NCOA3: variants seen among roughly 807,000 people sequenced by gnomAD.
The protein encoded by NCOA3 is nuclear receptor coactivator 3, also known as CBP-interacting protein.
In NCOA3, 51 loss-of-function variants were observed where a neutral mutation model predicts 158.8. That is an observed-to-expected ratio of 0.32 (90% confidence interval 0.26 to 0.41). The LOEUF is 0.41. NCOA3 is among the 10% of genes least tolerant of loss of function. The pLI, the probability that NCOA3 is intolerant of heterozygous loss-of-function variation, is 1.00. For missense variants in NCOA3, 1,510 were observed against 1,746.6 expected (o/e 0.86, Z 2.41); for synonymous variants, 537 against 592.4 (o/e 0.91, Z 1.36).
Position 47,653,356 on chromosome 20 carries a change from T to C in NCOA3, c.4264-50T>C, listed in dbSNP as rs372522292. The C allele has an allele frequency of 1.8e-4, 279 of 1,582,788 alleles. No homozygotes were observed. The Middle Eastern group carries it at 2.2e-3, about 12-fold the overall frequency. On this transcript the variant is annotated intron_variant, in intron 22 of 22. Coordinates refer to ENST00000371998, the MANE Select transcript of NCOA3 (RefSeq NM_181659.3). ...GGGTATTTTTTTGTTGTGCAAAGCA[T>C]GTGTTTTACTCATTTTTTTTTTTTT...
intron 1 of NCOA3, among the ~76,000 whole-genome samples, chr20:47,511,524 GATATATATATATATAT>G (rs34123990): frequency 4.5e-5 from 1 of 22,018 alleles, no homozygotes; most frequent in African/African-American, 9.1e-5. Flanking sequence ...TCTCTCTCGA[GATATATATATATATAT>G]ATATATATAT....
At chr20:47,608,508 A>T (rs2085986918) in intron 2 of NCOA3, among the ~76,000 whole-genome samples, 1 of 151,762 alleles carries the variant, frequency 6.6e-6, no homozygotes, top group Admixed American at 6.6e-5. Flanking sequence ...GCATGGTGGC[A>T]CATGCGTGTG....
intron 2 of NCOA3, among the ~76,000 whole-genome samples, chr20:47,619,527 C>T (rs2086200198): frequency 6.6e-6 from 1 of 151,556 alleles, no homozygotes; most frequent in Admixed American, 6.6e-5. Flanking sequence ...CACCTGTTGT[C>T]CCAGCTACTT....
intron 1 of NCOA3, among the ~76,000 whole-genome samples, chr20:47,515,857 C>T (rs921298980): frequency 6.6e-5 from 10 of 152,060 alleles, no homozygotes; most frequent in African/African-American, 1.9e-4. Context: ...TTATTCAGTA[C>T]TAAAAAGAAA....
intron 1 of NCOA3, among the ~76,000 whole-genome samples, chr20:47,521,650 A>G (rs779053506): frequency 6.2e-5 from 6 of 97,270 alleles, no homozygotes; most frequent in Non-Finnish European, 1.1e-4. Flanking sequence ...GCAGGTAATC[A>G]GAATAAGTCA....
chr20:47,593,459 A>G (rs1056506251), intron 2 of NCOA3, among the ~76,000 whole-genome samples: 10 of 144,262 alleles, frequency 6.9e-5, no homozygotes, highest in Non-Finnish European at 1.3e-4. Flanking sequence ...CTCCTGCCTC[A>G]GCCTCCGGAG....
chr20:47,639,461 C>T (rs2086568779), intron 14 of NCOA3, 116 bp from the exon 15 acceptor site: 1 of 1,379,806 alleles, frequency 7.2e-7, no homozygotes, highest in African/African-American at 1.5e-5. Flanking sequence ...CTTTTCTTAC[C>T]ATGACAAAGT....
intron 16 of NCOA3, among the ~76,000 whole-genome samples, chr20:47,640,295 G>A (rs923546948): frequency 1.3e-5 from 2 of 152,196 alleles, no homozygotes; most frequent in South Asian, 4.1e-4. Context: ...GGGCCATTCA[G>A]TGGCCAAACC....
chr20:47,513,233 T>C (rs1244406441), intron 1 of NCOA3, among the ~76,000 whole-genome samples: 1 of 152,134 alleles, frequency 6.6e-6, no homozygotes, highest in Non-Finnish European at 1.5e-5. Flanking sequence ...ACCCAGCCAT[T>C]CTACTTCTGG....
At chr20:47,642,153 A>T in intron 16 of NCOA3, 60 bp from the exon 17 acceptor site, 5 of 1,220,664 alleles carry the variant, frequency 4.1e-6, no homozygotes, top group African/African-American at 1.5e-5. Context: ...GGTTGCTGTG[A>T]TCTATTACTC....
intron 1 of NCOA3, among the ~76,000 whole-genome samples, chr20:47,506,142 G>A (rs2084028940): frequency 6.6e-6 from 1 of 152,068 alleles, no homozygotes; most frequent in Non-Finnish European, 1.5e-5. Context: ...TTGGGGTTGG[G>A]GAGGGGTTAC....
chr20:47,606,008 TGAC>T (rs1274772014), intron 2 of NCOA3, among the ~76,000 whole-genome samples: 2 of 152,226 alleles, frequency 1.3e-5, no homozygotes, highest in Non-Finnish European at 2.9e-5. Flanking sequence ...CCACCACCCC[TGAC>T]TAATTTTTTT....
chr20:47,557,591 A>G (rs548118347), intron 1 of NCOA3, among the ~76,000 whole-genome samples: 89 of 152,348 alleles, frequency 5.8e-4, no homozygotes, highest in African/African-American at 2.0e-3. Context: ...ATACAAATTG[A>G]GAATGTACAT....
chr20:47,602,082 C>T (rs1447826522), intron 2 of NCOA3, among the ~76,000 whole-genome samples: 1 of 152,162 alleles, frequency 6.6e-6, no homozygotes, highest in Non-Finnish European at 1.5e-5. Context: ...TATGAGTACA[C>T]AAGCATTTGG....
At chr20:47,563,942 T>A (rs1360371416) in intron 1 of NCOA3, among the ~76,000 whole-genome samples, 2 of 150,438 alleles carry the variant, frequency 1.3e-5, no homozygotes, top group Non-Finnish European at 3.0e-5. Flanking sequence ...GGAGGATCAC[T>A]TGAACTCAGG....
intron 2 of NCOA3, among the ~76,000 whole-genome samples, chr20:47,588,683 C>A (rs912137886): frequency 6.6e-6 from 1 of 151,864 alleles, no homozygotes; most frequent in African/African-American, 2.4e-5. Context: ...TGTTTTCTGT[C>A]TTATCCTTCC....
chr20:47,572,265 G>C (rs1416682442), intron 1 of NCOA3, among the ~76,000 whole-genome samples: 2 of 152,090 alleles, frequency 1.3e-5, no homozygotes, highest in Non-Finnish European at 2.9e-5. Context: ...TATTGGAGTA[G>C]CACTTTTAAT....
intron 1 of NCOA3, among the ~76,000 whole-genome samples, chr20:47,546,164 A>C (rs928364651): frequency 1.3e-5 from 2 of 152,146 alleles, no homozygotes; most frequent in Non-Finnish European, 2.9e-5. Flanking sequence ...TAAGATCTTC[A>C]CTAAAGCCTT....
rs749282486 is a variant in NCOA3 at position 47,627,736 on chromosome 20, G to A, written c.708G>A (p.Met236Ile). 3.7e-6 allele frequency: 6 copies of A among 1,613,128 alleles called. No homozygotes were observed. In the Admixed American group the frequency reaches 8.4e-5, roughly 22 times the overall value. The change falls in exon 7 of 23, where the codon ATG (methionine) becomes ATA (isoleucine). Residue 236 changes from methionine (M) to isoleucine (I), a missense_variant. By Grantham distance (10) the Met-to-Ile change is conservative (BLOSUM62 1). Coordinates refer to ENST00000371998, the MANE Select transcript of NCOA3 (RefSeq NM_181659.3). ...CCCTGTCTCAGCCACGAGCTATGATGGAGGAAGGGGAAGGTAAGAGCTATT... is the reference window on the plus strand; with the variant it reads ...CCCTGTCTCAGCCACGAGCTATGATAGAGGAAGGGGAAGGTAAGAGCTATT... The part of the protein sequence containing the change: ...CFALSQPRAM[M>I]EEGEDLQSCM...
Sources: allele counts gnomAD v4.1 joint callset (sites outside exome capture counted in the v4.1 genomes callset), GRCh38; gene constraint gnomAD v4.1.1; transcripts MANE v1.5; gene names NCBI Gene and HGNC (gene_info 2026-07-23, HGNC 2026-07-21).